RICTOR: variants seen among roughly 807,000 people sequenced by gnomAD.
RICTOR encodes rapamycin-insensitive companion of mTOR.
A neutral mutation model predicts 214.9 loss-of-function variants in RICTOR; 49 were observed. That is an observed-to-expected ratio of 0.23 (90% CI 0.18 to 0.29). RICTOR has a LOEUF of 0.29. RICTOR is among the 10% of genes least tolerant of loss of function. The probability of loss-of-function intolerance (pLI) is 1.00; values close to 1 mark genes in which losing one functional copy is unlikely to be tolerated. For missense variants in RICTOR, 1,625 were observed against 2,047.0 expected (o/e 0.79, Z 3.98); for synonymous variants, 717 against 711.3 (o/e 1.01, Z -0.13).
At chr5:39,022,871 TC>T (rs1755533174) in intron 2 of RICTOR, among the ~76,000 whole-genome samples, 1 of 152,050 alleles carries the variant, frequency 6.6e-6, no homozygotes, top group Non-Finnish European at 1.5e-5. Flanking sequence ...ACCCAAATCC[TC>T]CTCATAAGAG....
At position 38,959,993 on chromosome 5, in the gene RICTOR, A is replaced by C; in HGVS notation, c.1852-15T>G. On this transcript the variant is annotated splice_polypyrimidine_tract_variant and intron_variant, in intron 20 of 37. Transcript: ENST00000357387. ...CCTTGCCCATCCTAAAAGTAAATAC[A>C]TTGTGATATTGTGAGAAAAGCATTC... The C allele has an allele frequency of 6.7e-7, 1 of 1,489,412 alleles. No individual in the cohort carries two copies. The highest frequency in any genetic ancestry group is 1.4e-5 in the African/African-American group (1 of 72,448). The allele number at this position is 1,489,412 out of a possible 1,614,324, so 92.3% of individuals were successfully genotyped here.
At chr5:38,995,398 T>C (rs1000245642) in intron 6 of RICTOR, among the ~76,000 whole-genome samples, 30 of 152,026 alleles carry the variant, frequency 2.0e-4, no homozygotes, top group African/African-American at 6.8e-4. Flanking sequence ...TATAATTAAC[T>C]TGGGGACCAG....
At chr5:39,068,221 C>T (rs1290574421) in intron 2 of RICTOR, among the ~76,000 whole-genome samples, 1 of 152,152 alleles carries the variant, frequency 6.6e-6, no homozygotes, top group Non-Finnish European at 1.5e-5. Context: ...AATACCTACG[C>T]AAGGTCAAGC....
At chr5:39,046,166 A>G (rs1234710673) in intron 2 of RICTOR, among the ~76,000 whole-genome samples, 1 of 151,538 alleles carries the variant, frequency 6.6e-6, no homozygotes, top group Non-Finnish European at 1.5e-5. Flanking sequence ...CAATAAGAGC[A>G]CTGTAAGACT....
At chr5:38,966,992 A>G (rs759503246) in intron 14 of RICTOR, 169 bp downstream of exon 14, 7 of 671,572 alleles carry the variant, frequency 1.0e-5, no homozygotes, top group African/African-American at 1.8e-5. Flanking sequence ...GTTGAGACAC[A>G]GTTTCACCAT....
chr5:39,036,119 C>T (rs926175751), intron 2 of RICTOR, among the ~76,000 whole-genome samples: 1 of 152,224 alleles, frequency 6.6e-6, no homozygotes, highest in African/African-American at 2.4e-5. Context: ...GCGGATCTCT[C>T]CGCAGAAACT....
At chr5:38,950,851 A>G (rs1561447234) in intron 30 of RICTOR, 131 bp from the exon 31 acceptor site, 1 of 590,488 alleles carries the variant, frequency 1.7e-6, no homozygotes, top group Non-Finnish European at 2.8e-6. Context: ...AAACGGTTAA[A>G]CCATTCAGCT....
chr5:39,045,999 G>T (rs358518), intron 2 of RICTOR, among the ~76,000 whole-genome samples: 150,498 of 151,120 alleles, frequency 1, 74,972 homozygotes, highest in Middle Eastern at 1. Flanking sequence ...TTCATGGATC[G>T]TCAGTCTCTT....
At chr5:39,007,322 A>G (rs996770568) in intron 3 of RICTOR, among the ~76,000 whole-genome samples, 2 of 152,198 alleles carry the variant, frequency 1.3e-5, no homozygotes, top group Non-Finnish European at 2.9e-5. Context: ...GCTATTTTCT[A>G]TATCTTCCTA....
At chr5:38,944,280 GT>G in intron 36 of RICTOR, 165 bp downstream of exon 36, 1 of 709,480 alleles carries the variant, frequency 1.4e-6, no homozygotes, top group Non-Finnish European at 2.5e-6. Context: ...GCCATATGTT[GT>G]TTTGGCTGAA....
intron 2 of RICTOR, among the ~76,000 whole-genome samples, chr5:39,051,173 T>C (rs1430271413): frequency 6.6e-6 from 1 of 152,090 alleles, no homozygotes; most frequent in African/African-American, 2.4e-5. Context: ...AGACTATACA[T>C]AAAATCACTG....
At chr5:39,035,623 T>C (rs963947293) in intron 2 of RICTOR, among the ~76,000 whole-genome samples, 2 of 151,952 alleles carry the variant, frequency 1.3e-5, no homozygotes, top group Non-Finnish European at 2.9e-5. Context: ...AGAGAAGTCC[T>C]TAAAGGACCC....
Position 38,954,851 on chromosome 5 carries a change from G to A in RICTOR, c.2620C>T (p.Pro874Ser). Residue 874 changes from proline to serine, a missense_variant, in exon 27 of 38, where the codon CCT becomes TCT. Around this residue, in one of 5 missense-constraint regions of RICTOR, gnomAD observed 1,214 missense variants for 1,470.5 expected, o/e 0.83. Coordinates refer to ENST00000357387, the MANE Select transcript of RICTOR (RefSeq NM_152756.5). ...VRRSNQRLQR[P>S]HVYLPIHLYG... ...AGGTGTATAGGCAGGTAGACGTGAG[G>A]ACGCTGTAATCTAGTATAATAAAGA... 6.4e-7 allele frequency: 1 copy of A among 1,573,030 alleles called. No homozygotes were observed. The highest frequency in any genetic ancestry group is 8.7e-7 in the Non-Finnish European group (1 of 1,144,058).
At position 38,942,170 on chromosome 5, in the gene RICTOR, C is replaced by A; in HGVS notation, c.*134G>T. On this transcript the variant is annotated 3_prime_UTR_variant, in exon 38 of 38. Transcript: ENST00000357387. ...GTCAGCAGTTCCAACTGTTCATGTACCAGTAACTGCGGAACAGTGTACAGA... is the reference window on the plus strand; with the variant it reads ...GTCAGCAGTTCCAACTGTTCATGTAACAGTAACTGCGGAACAGTGTACAGA... The A allele has an allele frequency of 2.1e-6, 1 of 475,634 alleles. No homozygotes were observed. Among genetic ancestry groups the A allele is most frequent in the East Asian group, 3.3e-5 (1 of 30,136 alleles). The allele number at this position is 475,634 out of a possible 1,614,324, so 29.5% of individuals were successfully genotyped here. A position where few individuals can be genotyped will look rare whatever the true frequency, so the allele number is the denominator to read the frequency against.
At chr5:38,986,167 C>T (rs948160522) in intron 7 of RICTOR, among the ~76,000 whole-genome samples, 2 of 152,128 alleles carry the variant, frequency 1.3e-5, no homozygotes, top group Non-Finnish European at 2.9e-5. Context: ...TTTCTCCATG[C>T]TGTTCTCGTG....
At chr5:38,985,894 C>T (rs1349627235) in intron 7 of RICTOR, among the ~76,000 whole-genome samples, 1 of 152,116 alleles carries the variant, frequency 6.6e-6, no homozygotes, top group East Asian at 1.9e-4. Context: ...CAGGGTTTCA[C>T]CATATTGGTC....
At chr5:38,947,530 AAAAGACAAGTAGCTAGTCATGTATT>A in intron 31 of RICTOR, 89 bp from the exon 32 acceptor site, 3 of 922,954 alleles carry the variant, frequency 3.3e-6, no homozygotes, top group Non-Finnish European at 5.0e-6. Flanking sequence ...CTACCTTCAT[AAAAGACAAGTAGCTAGTCATGTATT>A]AAGCAGTGTC....
At chr5:38,966,742 C>G (rs760513332) in intron 14 of RICTOR, 21 bp from the exon 15 acceptor site, 2 of 1,284,450 alleles carry the variant, frequency 1.6e-6, no homozygotes, top group Non-Finnish European at 2.2e-6. Flanking sequence ...AAAAAGATAA[C>G]ACCACTGTTG....
At chr5:39,070,804 T>C (rs556038702) in intron 2 of RICTOR, among the ~76,000 whole-genome samples, 35 of 152,300 alleles carry the variant, frequency 2.3e-4, no homozygotes, top group African/African-American at 7.5e-4. Flanking sequence ...GATAAGACAG[T>C]CTATCCTTGC....
Sources: gnomAD v4.1 joint callset for allele counts (sites outside exome capture counted in the v4.1 genomes callset) on GRCh38, gnomAD v4.1.1 for gene constraint, gnomAD v4.1.1 regional missense constraint, MANE v1.5 for transcripts, NCBI Gene and HGNC (gene_info 2026-07-23, HGNC 2026-07-21) for gene names.